The following MROH9 variants were observed in gnomAD, a reference collection of about 807,000 sequenced individuals.
MROH9 encodes the protein maestro heat-like repeat-containing protein family member 9.
A neutral mutation model predicts 98.2 loss-of-function variants in MROH9; 92 were observed. The ratio of observed to expected loss-of-function variants is 0.94; its 90% CI spans 0.79 to 1.11. The LOEUF (loss-of-function observed/expected upper bound fraction) is 1.11. Ranked by LOEUF, MROH9 falls within the 50% of genes most tolerant of loss-of-function variation. The pLI is 0.00. For synonymous variants in MROH9, 397 were observed against 368.9 expected, an observed-to-expected ratio of 1.08 and a Z score of -0.87; for missense variants, 1,057 against 1,014.8, an observed-to-expected ratio of 1.04 and a Z score of -0.57.
rs572965812 is a variant in MROH9, at chr1:171,064,365, A to C, written c.*25A>C. On this transcript the variant is annotated 3_prime_UTR_variant, in exon 22 of 22. Coordinates refer to ENST00000367759, the MANE Select transcript of MROH9 (RefSeq NM_001163629.2). ...GAAGAGAATGATGATGACATTCATC[A>C]TTCATAAACAATGGGAAGTCCAACA... 54 of 1,502,850 alleles carry C rather than the reference A, an allele frequency of 3.6e-5. No individual in the cohort carries two copies. Among genetic ancestry groups the C allele is most frequent in the Non-Finnish European group, 4.8e-5 (54 of 1,129,784 alleles). 93.1% of individuals were successfully genotyped at this position (1,502,850 alleles called of 1,614,324 possible).
chr1:170,968,452 C>A (rs1258194968), intron 7 of MROH9, among the ~76,000 whole-genome samples: 1 of 152,136 alleles, frequency 6.6e-6, no homozygotes, highest in African/African-American at 2.4e-5. Context: ...AGGTGGCAAG[C>A]CTTGCTCACA....
At chr1:170,989,805 G>T (rs1651281085) in intron 10 of MROH9, 50 bp from the exon 11 acceptor site, 1 of 1,534,808 alleles carries the variant, frequency 6.5e-7, no homozygotes, top group Non-Finnish European at 8.9e-7. Context: ...TGGTTTAGAG[G>T]TGACCATGGA....
intron 15 of MROH9, among the ~76,000 whole-genome samples, chr1:171,004,503 T>G (rs1651887602): frequency 6.6e-6 from 1 of 152,198 alleles, no homozygotes; most frequent in Non-Finnish European, 1.5e-5. Context: ...CATAAACTTC[T>G]CTGGCAAACA....
intron 3 of MROH9, among the ~76,000 whole-genome samples, chr1:170,953,802 G>A (rs1198888650): frequency 6.8e-6 from 1 of 147,862 alleles, no homozygotes; most frequent in Admixed American, 6.8e-5. Flanking sequence ...GGAGGAGAGG[G>A]AGAGAGAGAG....
intron 2 of MROH9, among the ~76,000 whole-genome samples, 160 bp from the exon 3 acceptor site, chr1:170,947,367 C>T (rs1339741265): frequency 1.3e-5 from 2 of 148,378 alleles, no homozygotes; most frequent in South Asian, 2.1e-4. Flanking sequence ...TCCAGTAATA[C>T]TCACAGTAAA....
chr1:170,970,731 T>TGA (rs1199063303), intron 7 of MROH9, among the ~76,000 whole-genome samples: 1,047 of 90,818 alleles, frequency 0.012, 15 homozygotes, highest in African/African-American at 0.031. Context: ...TGTGTGTGTG[T>TGA]GAGAGAGAGA....
At chr1:171,040,081 G>A (rs56262518) in intron 20 of MROH9, among the ~76,000 whole-genome samples, 32,497 of 151,944 alleles carry the variant, frequency 0.21, 5,454 homozygotes, top group African/African-American at 0.47. Flanking sequence ...CCTAGAGGAC[G>A]TTAAAATAAG....
chr1:171,015,978 A>C lies in MROH9; in HGVS notation c.1735-185A>C, dbSNP rs561176141. On this transcript the variant is annotated intron_variant, in intron 16 of 21. Transcript: ENST00000367759. ...TTCTACTTAATGTTAAATTTATATA[A>C]TTTAATTTTCAATAATTAATTTTCT... Among the ~76,000 whole-genome samples the C allele has an allele frequency of 8.9e-4, 136 of 152,304 alleles. 1 individual carries two copies. The highest frequency in any genetic ancestry group is 3.1e-3 in the African/African-American group (128 of 41,562).
At chr1:171,047,345 C>T (rs555170160) in intron 20 of MROH9, among the ~76,000 whole-genome samples, 8 of 152,036 alleles carry the variant, frequency 5.3e-5, no homozygotes, top group Non-Finnish European at 1.2e-4. Context: ...TGTAGGCATG[C>T]TTCATTTTTT....
At chr1:170,969,261 G>T (rs1331268851) in intron 7 of MROH9, among the ~76,000 whole-genome samples, 4 of 152,088 alleles carry the variant, frequency 2.6e-5, no homozygotes, top group Non-Finnish European at 5.9e-5. Context: ...GAATCAAGTT[G>T]TATACATGCT....
At chr1:171,028,907 T>G (rs1240625851) in intron 20 of MROH9, among the ~76,000 whole-genome samples, 1 of 151,342 alleles carries the variant, frequency 6.6e-6, no homozygotes, top group African/African-American at 2.4e-5. Flanking sequence ...ATTTAAGGAG[T>G]TTTTGGGCTG....
intron 20 of MROH9, among the ~76,000 whole-genome samples, chr1:171,051,050 G>C (rs1318355364): frequency 2.6e-5 from 4 of 152,070 alleles, no homozygotes; most frequent in Admixed American, 2.0e-4. Flanking sequence ...TGTTGGATTT[G>C]ATTTGCTAGT....
rs181567035 is a variant in MROH9 at position 171,019,113 on chromosome 1, G to A, written c.1908+2777G>A. Reference sequence around the variant, plus strand: ...TCAAAAGAACTGAAATCATAATACAGTCTCTAAAAACACAGTGCAATCACA... The same window carrying A: ...TCAAAAGAACTGAAATCATAATACAATCTCTAAAAACACAGTGCAATCACA... On this transcript the variant is annotated intron_variant, in intron 17 of 21. Transcript: ENST00000367759. Among the ~76,000 whole-genome samples the A allele has an allele frequency of 3.3e-5, 5 of 152,196 alleles. No homozygotes were observed. In the East Asian group the frequency reaches 7.7e-4, roughly 24 times the overall value.
chr1:171,064,036 A>G (rs1021353055), intron 21 of MROH9, 63 bp from the exon 22 acceptor site: 6 of 1,473,824 alleles, frequency 4.1e-6, no homozygotes, highest in Non-Finnish European at 5.4e-6. Flanking sequence ...GCTGTTTAGT[A>G]TTAAAGCTTC....
chr1:171,005,458 A>C (rs1651923321), intron 15 of MROH9, among the ~76,000 whole-genome samples: 2 of 152,088 alleles, frequency 1.3e-5, no homozygotes, highest in Non-Finnish European at 2.9e-5. Flanking sequence ...TTCCTTCATC[A>C]GCATTTTATA....
chr1:170,948,383 GACA>G (rs1649415523), intron 3 of MROH9, among the ~76,000 whole-genome samples: 1 of 151,924 alleles, frequency 6.6e-6, no homozygotes, highest in South Asian at 2.1e-4. Context: ...TCATTTGGTG[GACA>G]AATTGATTTT....
intron 17 of MROH9, among the ~76,000 whole-genome samples, chr1:171,022,074 G>A (rs377573638): frequency 6.6e-6 from 1 of 152,228 alleles, no homozygotes; most frequent in Admixed American, 6.5e-5. Flanking sequence ...TCAGAATGGT[G>A]ATTATTAAAA....
intron 8 of MROH9, among the ~76,000 whole-genome samples, chr1:170,979,613 A>T (rs1410687432): frequency 6.6e-6 from 1 of 152,216 alleles, no homozygotes; most frequent in Non-Finnish European, 1.5e-5. Flanking sequence ...AAGATTTCTT[A>T]GATACAATAG....
intron 15 of MROH9, among the ~76,000 whole-genome samples, chr1:171,009,350 T>A (rs769177611): frequency 3.2e-4 from 49 of 152,194 alleles, no homozygotes; most frequent in Non-Finnish European, 5.9e-4. Context: ...AACATAGTGC[T>A]TTGACTTAGA....
Sources: gnomAD v4.1 joint callset for allele counts (sites outside exome capture counted in the v4.1 genomes callset) on GRCh38, gnomAD v4.1.1 for gene constraint, MANE v1.5 for transcripts, NCBI Gene and HGNC (gene_info 2026-07-23, HGNC 2026-07-21) for gene names.